EGLN3: variants seen among roughly 807,000 people sequenced by gnomAD.
EGLN3 encodes the protein prolyl hydroxylase EGLN3.
EGLN3 carries 15 observed loss-of-function variants against 26.0 expected under a neutral mutation model. The ratio of observed to expected loss-of-function variants is 0.58; its 90% CI spans 0.39 to 0.89. The LOEUF (loss-of-function observed/expected upper bound fraction) is 0.89. EGLN3 is among the 40% of genes least tolerant of loss of function. The probability of loss-of-function intolerance (pLI) is 0.00; values close to 1 mark genes in which losing one functional copy is unlikely to be tolerated. For synonymous variants in EGLN3, 147 were observed against 127.2 expected, an observed-to-expected ratio of 1.16 and a Z score of -1.05; for missense variants, 238 against 311.6, an observed-to-expected ratio of 0.76 and a Z score of 1.78.
chr14:33,948,325 A>T (rs1168024931), intron 1 of EGLN3: 3 of 152,202 alleles, frequency 2.0e-5, no homozygotes, highest in Non-Finnish European at 4.4e-5. Flanking sequence ...AGCAAAGCAC[A>T]CTTAAAAAAA....
chr14:33,943,307 C>T (rs1212713291), intron 1 of EGLN3, among the ~76,000 whole-genome samples: 1 of 152,204 alleles, frequency 6.6e-6, no homozygotes, highest in Admixed American at 6.5e-5. Context: ...GTTGTATTTA[C>T]AATTCCAGTG....
Position 33,950,720 on chromosome 14 carries a change from C to T in EGLN3, c.33G>A (p.Leu11=), listed in dbSNP as rs2064554108. The change falls in exon 1 of 5, where the codon CTG becomes CTA. Residue 11 remains leucine, a synonymous_variant. Transcript: ENST00000250457. ...CGATGTACTCCAGGGCAATTTTCTC[C>T]AGGTCCAGCCTCATGATGTGTCCCA... is the stretch of plus-strand genomic sequence containing the variant. The part of the protein sequence containing the change: MPLGHIMRLD[L]EKIALEYIVP... 8.1e-6 allele frequency: 13 copies of T among 1,613,772 alleles called. No homozygotes were observed. Among genetic ancestry groups the T allele is most frequent in the Non-Finnish European group, 1.1e-5 (13 of 1,179,820 alleles).
At chr14:33,935,105 G>T (rs1013610785) in intron 1 of EGLN3, among the ~76,000 whole-genome samples, 8 of 152,178 alleles carry the variant, frequency 5.3e-5, no homozygotes, top group African/African-American at 9.7e-5. Context: ...ACCTAAGTAC[G>T]GGATAATCTG....
Position 33,941,788 on chromosome 14 carries a change from C to T in EGLN3, c.357+8608G>A, listed in dbSNP as rs189146961. Among the ~76,000 whole-genome samples the T allele has an allele frequency of 5.9e-5, 9 of 152,166 alleles. No homozygotes were observed. In the South Asian group the frequency reaches 8.3e-4, roughly 14 times the overall value. On this transcript the variant is annotated intron_variant, in intron 1 of 4. Transcript: ENST00000250457. ...GTACTGGGCAGCCTGGATTGAGCCACGACAGAGTTCTGGGGAGCAGAAGGG... is the reference window on the plus strand; with the variant it reads ...GTACTGGGCAGCCTGGATTGAGCCATGACAGAGTTCTGGGGAGCAGAAGGG...
rs764349464 is a variant in EGLN3 at position 33,950,363 on chromosome 14, A to C, written c.357+33T>G. On this transcript the variant is annotated intron_variant, in intron 1 of 4. Transcript: ENST00000250457. The stretch of plus-strand genomic sequence containing the variant: ...TCCGAGTGCCTCCCGTCCCCGCGGG[A>C]GCAGCTGCGGCAGGGCGCCGAGCGC... The C allele has an allele frequency of 3.1e-6, 5 of 1,602,674 alleles. No individual in the cohort carries two copies. The South Asian group carries it at 5.5e-5, about 18-fold the overall frequency.
chr14:33,932,299 G>C (rs2064410270), intron 1 of EGLN3, among the ~76,000 whole-genome samples: 1 of 152,118 alleles, frequency 6.6e-6, no homozygotes, highest in Non-Finnish European at 1.5e-5. Flanking sequence ...TTTCTCTAAA[G>C]AGTAAGTTCA....
At position 33,931,078 on chromosome 14, in the gene EGLN3, C is replaced by A. The variant is rs1459977594; in HGVS notation, c.477+18G>T. The A allele has an allele frequency of 1.2e-6, 2 of 1,614,048 alleles. No homozygotes were observed. Among genetic ancestry groups the A allele is most frequent in the East Asian group, 2.2e-5 (1 of 44,882 alleles). On this transcript the variant is annotated intron_variant, in intron 2 of 4. Transcript: ENST00000250457. ...GTAGTTTCTAACCCCACACTCTACT[C>A]CCATTATTCAAAAGTACCTTGGCAT...
chr14:33,940,008 C>CA (rs1165541732), intron 1 of EGLN3, among the ~76,000 whole-genome samples: 1 of 152,182 alleles, frequency 6.6e-6, no homozygotes, highest in Non-Finnish European at 1.5e-5. Context: ...AGAAAAATCA[C>CA]AAAATACAAA....
intron 1 of EGLN3, chr14:33,949,793 TC>T: frequency 6.3e-6 from 1 of 158,770 alleles, no homozygotes; most frequent in Non-Finnish European, 1.4e-5. Context: ...GGGCTCAGCA[TC>T]AGGAGAGAAT....
intron 1 of EGLN3, among the ~76,000 whole-genome samples, chr14:33,933,330 A>T (rs1387382236): frequency 6.7e-6 from 1 of 149,376 alleles, no homozygotes; most frequent in African/African-American, 2.5e-5. Context: ...AAAAAAAAAG[A>T]TGGATACAAA....
At chr14:33,946,140 A>C (rs1281596993) in intron 1 of EGLN3, among the ~76,000 whole-genome samples, 1 of 152,056 alleles carries the variant, frequency 6.6e-6, no homozygotes, top group Admixed American at 6.5e-5. Flanking sequence ...TTTGGGAGGC[A>C]CCAAGGCAGG....
intron 3 of EGLN3, among the ~76,000 whole-genome samples, chr14:33,928,326 C>G (rs866300158): frequency 9.8e-5 from 15 of 152,304 alleles, no homozygotes; most frequent in South Asian, 2.1e-4. Flanking sequence ...TACCAAAATT[C>G]TCTCCTCCTG....
At chr14:33,939,023 A>T (rs2064461832) in intron 1 of EGLN3, among the ~76,000 whole-genome samples, 1 of 152,254 alleles carries the variant, frequency 6.6e-6, no homozygotes, top group South Asian at 2.1e-4. Flanking sequence ...GAGACAAGGA[A>T]TACTTGTGAC....
chr14:33,935,574 G>T (rs1335568888), intron 1 of EGLN3, among the ~76,000 whole-genome samples: 2 of 142,006 alleles, frequency 1.4e-5, no homozygotes, highest in Non-Finnish European at 3.0e-5. Context: ...TTTAATCAGG[G>T]CTATAAATAA....
At chr14:33,925,949 A>C (rs767549431) in intron 4 of EGLN3, 27 bp from the exon 5 acceptor site, 7 of 1,612,090 alleles carry the variant, frequency 4.3e-6, no homozygotes, top group South Asian at 1.1e-5. Context: ...AAGGAGAATA[A>C]AGAGGGTATG....
intron 4 of EGLN3, among the ~76,000 whole-genome samples, chr14:33,926,617 T>A (rs1188677480): frequency 1.3e-5 from 2 of 152,236 alleles, no homozygotes; most frequent in African/African-American, 4.8e-5. Context: ...TTTGCCATCA[T>A]AACTGGGTTC....
intron 2 of EGLN3, 66 bp from the exon 3 acceptor site, chr14:33,929,278 A>G: frequency 6.3e-7 from 1 of 1,575,748 alleles, no homozygotes; most frequent in Non-Finnish European, 8.6e-7. Flanking sequence ...ACCATATTTC[A>G]GCTCCATTTA....
intron 1 of EGLN3, among the ~76,000 whole-genome samples, chr14:33,934,682 A>G (rs1769611): frequency 0.95 from 144,568 of 152,258 alleles, 68,807 homozygotes; most frequent in Non-Finnish European, 0.98. Context: ...TGAGAAGGGG[A>G]TACACCCACC....
Position 33,925,890 on chromosome 14 carries a change from G to A in EGLN3, c.*1C>T, listed in dbSNP as rs767996972. On this transcript the variant is annotated 3_prime_UTR_variant, in exon 5 of 5. Transcript: ENST00000250457. The stretch of plus-strand genomic sequence containing the variant: ...CAAGGCCAGCAGATTTCAGAGCACG[G>A]TCAGTCTTCAGTGAGGGCAGATTCA... 1 of 1,614,004 alleles carries A rather than the reference G, an allele frequency of 6.2e-7. No individual in the cohort carries two copies. The highest frequency in any genetic ancestry group is 8.5e-7 in the Non-Finnish European group (1 of 1,179,936).
Sources: gnomAD v4.1 joint callset for allele counts (sites outside exome capture counted in the v4.1 genomes callset) on GRCh38, gnomAD v4.1.1 for gene constraint, MANE v1.5 for transcripts, NCBI Gene and HGNC (gene_info 2026-07-23, HGNC 2026-07-21) for gene names.